Variants in OSBPL2 observed in about 807,000 individuals in gnomAD.
OSBPL2 encodes the protein oxysterol binding protein like 2.
Under a neutral mutation model 58.4 loss-of-function variants are expected in OSBPL2, and 18 were observed. That is an observed-to-expected ratio of 0.31 (90% CI 0.21 to 0.46). The LOEUF (loss-of-function observed/expected upper bound fraction) is 0.46. Among genes scored for constraint, OSBPL2 ranks in the 20% least tolerant of loss-of-function variants. OSBPL2 has a pLI of 1.00. For synonymous variants in OSBPL2, 221 were observed against 234.1 expected (o/e 0.94, Z 0.51); for missense variants, 461 against 616.5 (o/e 0.75, Z 2.67).
chr20:62,287,420 TTATCATTTGAGTAGAGTACGAACTGG>T (rs1198094609), intron 11 of OSBPL2, among the ~76,000 whole-genome samples: 1 of 152,214 alleles, frequency 6.6e-6, no homozygotes, highest in African/African-American at 2.4e-5. Flanking sequence ...ACAGTCACTG[TTATCATTTGAGTAGAGTACGAACTGG>T]TTTAACAATG....
At chr20:62,271,878 GA>G (rs984219898) in intron 4 of OSBPL2, 1 of 471,248 alleles carries the variant, frequency 2.1e-6, no homozygotes, top group African/African-American at 2.0e-5. Context: ...AGGCAGAGAG[GA>G]TTCAGGGGTG....
Position 62,287,830 on chromosome 20 carries a change from A to C in OSBPL2, c.1125+1119A>C, listed in dbSNP as rs191706095. Among the ~76,000 whole-genome samples, 10 of 152,254 alleles carry C rather than the reference A, an allele frequency of 6.6e-5. No individual in the cohort carries two copies. The East Asian group carries it at 1.9e-3, about 29-fold the overall frequency. On this transcript the variant is annotated intron_variant, in intron 11 of 13. Transcript: ENST00000313733. The stretch of plus-strand genomic sequence containing the variant: ...GTTTTTTTTCAGGGAAGTCTCTTTA[A>C]AGATAACTCATGCTTCCAGCCTTTG...
At chr20:62,267,739 T>C (rs979176466) in intron 4 of OSBPL2, among the ~76,000 whole-genome samples, 20 of 152,308 alleles carry the variant, frequency 1.3e-4, no homozygotes, top group Admixed American at 1.3e-3. Flanking sequence ...CGGCACGCAG[T>C]TGTGACTCAC....
intron 1 of OSBPL2, among the ~76,000 whole-genome samples, chr20:62,240,409 T>G (rs376063961): frequency 6.6e-6 from 1 of 152,234 alleles, no homozygotes; most frequent in Non-Finnish European, 1.5e-5. Flanking sequence ...TAATATTTAA[T>G]AATGATTGTT....
intron 4 of OSBPL2, among the ~76,000 whole-genome samples, chr20:62,267,790 G>C (rs1361730753): frequency 6.6e-6 from 1 of 152,212 alleles, no homozygotes; most frequent in East Asian, 1.9e-4. Context: ...CTCTGCTGCC[G>C]ACAGTGTCTT....
chr20:62,283,650 G>T (rs191070853), intron 9 of OSBPL2, among the ~76,000 whole-genome samples: 5 of 152,266 alleles, frequency 3.3e-5, no homozygotes, highest in African/African-American at 1.2e-4. Context: ...ATCAGTGGGC[G>T]CATGCAGCTT....
intron 5 of OSBPL2, 33 bp downstream of exon 5, chr20:62,272,292 C>A (rs1471022489): frequency 6.2e-7 from 1 of 1,606,438 alleles, no homozygotes; most frequent in Non-Finnish European, 8.5e-7. Flanking sequence ...AGGAGTTTGT[C>A]ATGAAAGTGA....
At chr20:62,254,755 C>A (rs991700837) in intron 1 of OSBPL2, among the ~76,000 whole-genome samples, 5 of 151,946 alleles carry the variant, frequency 3.3e-5, no homozygotes, top group African/African-American at 7.3e-5. Flanking sequence ...TTTTGGCTTC[C>A]TTCTCTTGTC....
chr20:62,257,136 A>G (rs1601161160), intron 2 of OSBPL2, among the ~76,000 whole-genome samples: 1 of 152,260 alleles, frequency 6.6e-6, no homozygotes, highest in East Asian at 1.9e-4. Flanking sequence ...CAGGGTCTCT[A>G]TGGCCATGCC....
At chr20:62,271,991 C>T in intron 4 of OSBPL2, 134 bp from the exon 5 acceptor site, 2 of 1,029,400 alleles carry the variant, frequency 1.9e-6, no homozygotes, top group African/African-American at 1.6e-5. Flanking sequence ...GTGGCTCACC[C>T]ATGGGGGGTT....
At chr20:62,245,489 A>G (rs1324662318) in intron 1 of OSBPL2, among the ~76,000 whole-genome samples, 2 of 152,228 alleles carry the variant, frequency 1.3e-5, no homozygotes, top group East Asian at 1.9e-4. Flanking sequence ...AAGAAGAACC[A>G]TACAGGCCTG....
chr20:62,260,044 T>C lies in OSBPL2; in HGVS notation c.101T>C (p.Ile34Thr), dbSNP rs752050684. Residue 34 changes from isoleucine to threonine, a missense_variant, in exon 3 of 14, where the codon ATT (isoleucine) becomes ACT (threonine). This residue lies in a region of OSBPL2 where 80 missense variants were observed against 74.8 expected (regional missense o/e 1.07). Coordinates refer to ENST00000313733, the MANE Select transcript of OSBPL2 (RefSeq NM_144498.4). The stretch of plus-strand genomic sequence containing the variant: ...GCAAATCAGAAAGTCACGGGAATGA[T>C]TGACTTAGACACCAGCAAAAATAAT... ...SEANQKVTGM[I>T]DLDTSKNNRI... The C allele has an allele frequency of 3.1e-6, 5 of 1,613,342 alleles. No homozygotes were observed. The highest frequency in any genetic ancestry group is 3.3e-5 in the Admixed American group (2 of 60,000).
At chr20:62,276,410 A>G (rs554496472) in intron 6 of OSBPL2, among the ~76,000 whole-genome samples, 4 of 152,348 alleles carry the variant, frequency 2.6e-5, no homozygotes, top group East Asian at 1.9e-4. Context: ...ACTTCTGTAT[A>G]TAAATCACTA....
chr20:62,286,747 C>T (rs1019742035), intron 11 of OSBPL2, 36 bp downstream of exon 11: 2 of 1,588,418 alleles, frequency 1.3e-6, no homozygotes, highest in African/African-American at 2.7e-5. Flanking sequence ...TCTCTGCCTG[C>T]TCATGTCACA....
At chr20:62,246,793 A>C (rs1980147962) in intron 1 of OSBPL2, among the ~76,000 whole-genome samples, 1 of 152,210 alleles carries the variant, frequency 6.6e-6, no homozygotes, top group Admixed American at 6.5e-5. Context: ...ATGTCACAGC[A>C]GGCTTTGTCT....
intron 4 of OSBPL2, among the ~76,000 whole-genome samples, chr20:62,268,750 C>A (rs1981859609): frequency 6.6e-6 from 1 of 152,150 alleles, no homozygotes; most frequent in African/African-American, 2.4e-5. Flanking sequence ...CAGGAACCCA[C>A]CACCATGCCC....
intron 7 of OSBPL2, among the ~76,000 whole-genome samples, chr20:62,280,759 C>T (rs1982726950): frequency 6.6e-6 from 1 of 152,188 alleles, no homozygotes; most frequent in African/African-American, 2.4e-5. Context: ...CGTGAGGTGG[C>T]CTTTCTTTTG....
At position 62,288,915 on chromosome 20, in the gene OSBPL2, A is replaced by G. The variant is rs1264493574; in HGVS notation, c.1126-292A>G. ...CAGGTGGCGTGGCTGGAGTGTTTCC[A>G]GCAAGCTGGTGACAAATCTGTTGAT... On this transcript the variant is annotated intron_variant, in intron 11 of 13. Coordinates refer to ENST00000313733, the MANE Select transcript of OSBPL2 (RefSeq NM_144498.4). This position sits in a 1 kb window ranked among gnomAD's most constrained non-coding sequence, Gnocchi z 4.8. Among the ~76,000 whole-genome samples the G allele has an allele frequency of 6.6e-6, 1 of 152,162 alleles. No homozygotes were observed. Among genetic ancestry groups the G allele is most frequent in the Non-Finnish European group, 1.5e-5 (1 of 68,020 alleles).
rs750470038 is a variant in OSBPL2 at position 62,284,209 on chromosome 20, G to A, written c.996+40G>A. ...GTCCCCGGGCAGAGCTGAGCCCTGG[G>A]TGCTGAGGGCTGCCAGGCCGCTGCT... On this transcript the variant is annotated intron_variant, in intron 10 of 13. Coordinates refer to ENST00000313733, the MANE Select transcript of OSBPL2 (RefSeq NM_144498.4). 11 of 1,613,540 alleles carry A rather than the reference G, an allele frequency of 6.8e-6. No individual in the cohort carries two copies. In the Admixed American group the frequency reaches 8.3e-5, roughly 12 times the overall value.
Sources: allele counts gnomAD v4.1 joint callset (sites outside exome capture counted in the v4.1 genomes callset), GRCh38; gene constraint gnomAD v4.1.1; regional missense constraint gnomAD v4.1.1; non-coding constraint Gnocchi (gnomAD v3.1); transcripts MANE v1.5; gene names NCBI Gene and HGNC (gene_info 2026-07-23, HGNC 2026-07-21).